The following PCDHGB4 variants were observed in gnomAD, a reference collection of about 807,000 sequenced individuals.
The protein encoded by PCDHGB4 is protocadherin gamma subfamily B, 4, also known as protocadherin gamma-B4.
PCDHGB4 carries 38 observed loss-of-function variants against 60.5 expected under a neutral mutation model. The ratio of observed to expected loss-of-function variants is 0.63; its 90% CI spans 0.48 to 0.82. The LOEUF is 0.82. Among genes scored for constraint, PCDHGB4 ranks in the 40% least tolerant of loss-of-function variants. PCDHGB4 has a pLI of 0.00. For missense variants in PCDHGB4, 1,109 were observed against 1,209.6 expected (o/e 0.92, Z 1.23); for synonymous variants, 456 against 509.7 (o/e 0.89, Z 1.42).
At chr5:141,403,786 A>G (rs1317253233) in intron 1 of PCDHGB4, 1 of 1,613,848 alleles carries the variant, frequency 6.2e-7, no homozygotes, top group African/African-American at 1.3e-5. Flanking sequence ...GAAAAGTGGC[A>G]TACAAATTCT....
At position 141,389,408 on chromosome 5, in the gene PCDHGB4, G is replaced by A. The variant is rs2091745894; in HGVS notation, c.1524G>A (p.Glu508=). ...ELSSYVSISA[E]SGVVFAQRAF... ...CATCCTACGTGTCCATAAGCGCGGA[G>A]AGCGGGGTGGTGTTCGCGCAGCGCG... The change falls in exon 1 of 4, where the codon GAG becomes GAA. Residue 508 remains glutamate (E), a synonymous_variant. Transcript: ENST00000519479. 3.7e-6 allele frequency: 6 copies of A among 1,613,494 alleles called. No individual in the cohort carries two copies. The highest frequency in any genetic ancestry group is 1.7e-5 in the Admixed American group (1 of 60,018).
intron 1 of PCDHGB4, among the ~76,000 whole-genome samples, chr5:141,464,431 A>G (rs1352563675): frequency 6.6e-6 from 1 of 151,648 alleles, no homozygotes; most frequent in Non-Finnish European, 1.5e-5. Flanking sequence ...ATATAGATAT[A>G]TATGTTTGTT....
rs190948188 is a variant in PCDHGB4 at position 141,505,972 on chromosome 5, C to T, written c.2545+491C>T. Among the ~76,000 whole-genome samples the T allele has an allele frequency of 5.4e-4, 82 of 152,250 alleles. 1 individual carries two copies. The highest frequency in any genetic ancestry group is 1.9e-3 in the African/African-American group (79 of 41,558). ...GAAAGTGGGTGTAGAAATCCCCAGC[C>T]GAGAGAACACCTCCTCTTTATGCGA... On this transcript the variant is annotated intron_variant, in intron 3 of 3. Transcript: ENST00000519479.
At chr5:141,472,109 A>G (rs1353132107) in intron 1 of PCDHGB4, among the ~76,000 whole-genome samples, 2 of 152,234 alleles carry the variant, frequency 1.3e-5, no homozygotes, top group Non-Finnish European at 2.9e-5. Flanking sequence ...TTTTATACAT[A>G]AAGAAAATAA....
At chr5:141,403,121 C>T (rs2094357954) in intron 1 of PCDHGB4, 1 of 1,614,046 alleles carries the variant, frequency 6.2e-7, no homozygotes, top group Non-Finnish European at 8.5e-7. Context: ...TCTGGAGCCC[C>T]GGGAGCTGGC....
rs1591337394 is a variant in PCDHGB4, at chr5:141,434,573, C to A, written c.2397+44292C>A. 2.0e-5 allele frequency among the ~76,000 whole-genome samples: 3 copies of A among 152,336 alleles called. No individual in the cohort carries two copies. The South Asian group carries it at 6.2e-4, about 32-fold the overall frequency. On this transcript the variant is annotated intron_variant, in intron 1 of 3. Transcript: ENST00000519479. The stretch of plus-strand genomic sequence containing the variant: ...TCTGTGCCTTAAGGACATGCCCCTG[C>A]TGCAGATAACTACCTCAATCCATCC...
chr5:141,499,138 G>A (rs765607930), intron 2 of PCDHGB4, among the ~76,000 whole-genome samples: 12 of 152,144 alleles, frequency 7.9e-5, no homozygotes, highest in Non-Finnish European at 1.5e-4. Flanking sequence ...TCCTTTGGGT[G>A]TCTGATCCCA....
intron 1 of PCDHGB4, chr5:141,424,621 T>C (rs560809778): frequency 6.6e-6 from 1 of 152,346 alleles, no homozygotes; most frequent in Non-Finnish European, 1.5e-5. Context: ...TAGAGTAGTT[T>C]GTGAATATAT....
chr5:141,439,459 A>T (rs558086952), intron 1 of PCDHGB4, among the ~76,000 whole-genome samples: 1 of 152,340 alleles, frequency 6.6e-6, no homozygotes, highest in African/African-American at 2.4e-5. Flanking sequence ...GCAAGACTGC[A>T]CTGCTGCCTT....
intron 1 of PCDHGB4, chr5:141,408,066 G>T: frequency 7.3e-7 from 1 of 1,364,656 alleles, no homozygotes; most frequent in Non-Finnish European, 9.7e-7. Flanking sequence ...CGGCTGCGCA[G>T]ACCTTTCCCA....
In PCDHGB4 at chr5:141,438,621, TATATATATATATATACACAC is replaced by T. The variant is rs1185208192; in HGVS notation, c.2397+48342_2397+48361del. Among the ~76,000 whole-genome samples, 212 of 41,372 alleles carry T rather than the reference TATATATATATATATACACAC, an allele frequency of 5.1e-3. 1 individual carries two copies. The highest frequency in any genetic ancestry group is 0.03 in the African/African-American group (177 of 5,808). 27.1% of individuals were successfully genotyped at this position (41,372 alleles called of 152,430 possible). On this transcript the variant is annotated intron_variant, in intron 1 of 3. Transcript: ENST00000519479. ...ATATATATATATATATATATATATA[TATATATATATATATACACAC>T]ACACACACACATATATGTATATATA...
chr5:141,473,274 TA>T (rs2099318463), intron 1 of PCDHGB4, among the ~76,000 whole-genome samples: 1 of 152,210 alleles, frequency 6.6e-6, no homozygotes, highest in South Asian at 2.1e-4. Context: ...ATGCTATGAT[TA>T]TTTTACTATG....
In PCDHGB4 at chr5:141,432,598, G is replaced by A; in HGVS notation, c.2397+42317G>A. The A allele has an allele frequency of 6.2e-7, 1 of 1,613,920 alleles. No individual in the cohort carries two copies. The highest frequency in any genetic ancestry group is 8.5e-7 in the Non-Finnish European group (1 of 1,179,972). On this transcript the variant is annotated intron_variant, in intron 1 of 3. Transcript: ENST00000519479. The surrounding 1 kb of genome is among the most constrained non-coding windows in gnomAD (Gnocchi z 6.0). ...CCTACCGTCTGCTCAAGGCCAGCGA[G>A]CCGGGACTCTTCTCGGTGGGTCTGC...
rs1439461935 is a variant in PCDHGB4 at position 141,511,976 on chromosome 5, G to A, written c.*803G>A. ...ATAAGGAAGGGAAGTGTGTGGATGT[G>A]GATGGTGGGGGCATGGACAAAGCTT... is the stretch of plus-strand genomic sequence containing the variant. On this transcript the variant is annotated 3_prime_UTR_variant, in exon 4 of 4. Coordinates refer to ENST00000519479, the MANE Select transcript of PCDHGB4 (RefSeq NM_003736.4). 6.5e-6 allele frequency: 1 copy of A among 153,384 alleles called. No homozygotes were observed. Among genetic ancestry groups the A allele is most frequent in the Non-Finnish European group, 1.5e-5 (1 of 68,664 alleles). 9.5% of individuals were successfully genotyped at this position (153,384 alleles called of 1,614,324 possible).
At chr5:141,413,148 C>G (rs370253778) in intron 1 of PCDHGB4, 10 of 1,570,530 alleles carry the variant, frequency 6.4e-6, no homozygotes, top group Middle Eastern at 1.7e-4. Flanking sequence ...CCAGTGAGGA[C>G]TTTGCAGAAT....
chr5:141,424,319 G>A (rs1014361496), intron 1 of PCDHGB4: 1 of 152,006 alleles, frequency 6.6e-6, no homozygotes, highest in African/African-American at 2.4e-5. Context: ...ATATTGACTG[G>A]CTTTTAACTA....
intron 1 of PCDHGB4, chr5:141,393,806 CA>C (rs1489692597): frequency 6.2e-7 from 1 of 1,613,866 alleles, no homozygotes; most frequent in Non-Finnish European, 8.5e-7. Context: ...TGGGGAGGAC[CA>C]AATTGCTCAT....
At chr5:141,407,407 G>A (rs558103918) in intron 1 of PCDHGB4, among the ~76,000 whole-genome samples, 17 of 152,216 alleles carry the variant, frequency 1.1e-4, no homozygotes, top group African/African-American at 3.6e-4. Context: ...GTTACTATTC[G>A]ATACCACAAA....
At chr5:141,428,185 G>T (rs775261215) in intron 1 of PCDHGB4, 286 of 1,446,232 alleles carry the variant, frequency 2.0e-4, no homozygotes, top group Non-Finnish European at 2.5e-4. Context: ...GAGGACAGCC[G>T]CCGCTCTCTG....
Sources: allele counts gnomAD v4.1 joint callset (sites outside exome capture counted in the v4.1 genomes callset), GRCh38; gene constraint gnomAD v4.1.1; non-coding constraint Gnocchi (gnomAD v3.1); transcripts MANE v1.5; gene names NCBI Gene and HGNC (gene_info 2026-07-23, HGNC 2026-07-21).